The following OR5D3 variants were observed in gnomAD, a reference collection of about 807,000 sequenced individuals.
OR5D3 encodes the protein olfactory receptor 5D3.
the OR5D3 span, among the ~76,000 whole-genome samples, chr11:55,724,936 A>G: frequency 1.3e-5 from 2 of 152,020 alleles, no homozygotes; most frequent in African/African-American, 2.4e-5. Context: ...TGTAATGGAA[A>G]AACATAAAGG....
chr11:55,724,193 T>C, the OR5D3 span: 13 of 386,196 alleles, frequency 3.4e-5, no homozygotes, highest in Non-Finnish European at 5.5e-5. Flanking sequence ...AGAGGACCTA[T>C]GTTGTTATAT....
At chr11:55,727,385 A>G in the OR5D3 span, 1 of 293,400 alleles carries the variant, frequency 3.4e-6, no homozygotes, top group East Asian at 5.5e-5. Context: ...TTGTGTTAGT[A>G]TACGTTTATT....
the OR5D3 span, among the ~76,000 whole-genome samples, chr11:55,725,833 C>T: frequency 6.6e-6 from 1 of 151,978 alleles, no homozygotes; most frequent in Non-Finnish European, 1.5e-5. Flanking sequence ...TTTAGAGGTA[C>T]AGCAGGAATG....
At chr11:55,728,806 A>T in the OR5D3 span, 1 of 152,146 alleles carries the variant, frequency 6.6e-6, no homozygotes, top group Non-Finnish European at 1.5e-5. Flanking sequence ...GTAACAGAGG[A>T]TTTACTTTAA....
the OR5D3 span, among the ~76,000 whole-genome samples, chr11:55,724,462 A>G: frequency 6.6e-6 from 1 of 152,104 alleles, no homozygotes; most frequent in East Asian, 1.9e-4. Flanking sequence ...AGAAACAATG[A>G]GTAATCTTTA....
At chr11:55,724,029 A>T in the OR5D3 span, 1 of 398,050 alleles carries the variant, frequency 2.5e-6, no homozygotes, top group Non-Finnish European at 4.4e-6. Flanking sequence ...TCAGTAAATG[A>T]ATCACTCAGA....
At chr11:55,726,300 G>T in the OR5D3 span, 1 of 429,850 alleles carries the variant, frequency 2.3e-6, no homozygotes, top group Non-Finnish European at 4.1e-6. Flanking sequence ...CCCTGTTCCT[G>T]GTCTTCCTGA....
At chr11:55,725,588 G>T in the OR5D3 span, among the ~76,000 whole-genome samples, 6 of 151,816 alleles carry the variant, frequency 4.0e-5, no homozygotes, top group Non-Finnish European at 8.8e-5. Flanking sequence ...TCTCATAAGT[G>T]ATATAATACA....
chr11:55,724,284 A>T, the OR5D3 span, among the ~76,000 whole-genome samples: 1 of 152,040 alleles, frequency 6.6e-6, no homozygotes, highest in Non-Finnish European at 1.5e-5. Context: ...AATGAAATCA[A>T]TACTTTGGCA....
the OR5D3 span, chr11:55,727,623 A>G: frequency 1.3e-5 from 2 of 152,078 alleles, no homozygotes; most frequent in African/African-American, 4.8e-5. Context: ...AATAAATAAG[A>G]AAATTATCTT....
chr11:55,724,679 TA>T, the OR5D3 span, among the ~76,000 whole-genome samples: 2 of 152,012 alleles, frequency 1.3e-5, no homozygotes, highest in Non-Finnish European at 2.9e-5. Flanking sequence ...CATTCATCAA[TA>T]AAAAACATTT....
chr11:55,729,364 T>G, the OR5D3 span: 1 of 152,012 alleles, frequency 6.6e-6, no homozygotes, highest in Non-Finnish European at 1.5e-5. Context: ...ATACAGTAGG[T>G]ATAAATGTGA....
the OR5D3 span, among the ~76,000 whole-genome samples, chr11:55,725,234 A>G: frequency 6.6e-6 from 1 of 152,010 alleles, no homozygotes; most frequent in Non-Finnish European, 1.5e-5. Context: ...CATTCTACTG[A>G]TTTAAATTTT....
Sources: gnomAD v4.1 joint callset for allele counts (sites outside exome capture counted in the v4.1 genomes callset) on GRCh38, gnomAD v4.1.1 for gene constraint, MANE v1.5 for transcripts, NCBI Gene and HGNC (gene_info 2026-07-23, HGNC 2026-07-21) for gene names.